The following NEK4 variants were observed in gnomAD, a reference collection of about 807,000 sequenced individuals.
The protein encoded by NEK4 is serine/threonine-protein kinase Nek4.
NEK4 carries 86 observed loss-of-function variants against 98.4 expected under a neutral mutation model. The ratio of observed to expected loss-of-function variants is 0.87; its 90% confidence interval spans 0.73 to 1.05. The LOEUF (loss-of-function observed/expected upper bound fraction) is 1.05, where lower values mean the gene tolerates loss of function less well. NEK4 is among the 50% of genes least tolerant of loss of function. NEK4 has a pLI of 0.00. For synonymous variants in NEK4, 328 were observed against 342.2 expected, an observed-to-expected ratio of 0.96 and a Z score of 0.46; for missense variants, 898 against 950.3, an observed-to-expected ratio of 0.94 and a Z score of 0.72.
intron 12 of NEK4, 59 bp from the exon 13 acceptor site, chr3:52,741,558 T>C (rs1226565261): frequency 1.9e-6 from 2 of 1,065,680 alleles, no homozygotes; most frequent in Non-Finnish European, 2.9e-6. Context: ...AATGTGATAC[T>C]TGAACCAGTC....
rs746763692 is a variant in NEK4, at chr3:52,763,616, T to C, written c.675A>G (p.Pro225=). The C allele has an allele frequency of 1.3e-6, 2 of 1,590,552 alleles. No homozygotes were observed. The highest frequency in any genetic ancestry group is 2.3e-5 in the South Asian group (2 of 86,880). ...GCTCTGGGCTGTAATCTCTTGGCAT[T>C]GGTGGCAGCTACAAATAAAAATAAT... The part of the protein sequence containing the change: ...VYRIIEGKLP[P]MPRDYSPELA... The change falls in exon 5 of 16, where the codon CCA becomes CCG. Residue 225 remains proline (P), a synonymous_variant. Transcript: ENST00000233027.
Position 52,740,563 on chromosome 3 carries a change from C to T in NEK4, c.2093+848G>A, listed in dbSNP as rs369766497. Among the ~76,000 whole-genome samples the T allele has an allele frequency of 1.1e-4, 17 of 152,110 alleles. No homozygotes were observed. In the East Asian group the frequency reaches 3.1e-3, roughly 28 times the overall value. ...CTGTAATACCAGCAGTCTGGGAGGCCGAGGTGGGCGGATCACCTGAGGTCA... is the reference window on the plus strand; with the variant it reads ...CTGTAATACCAGCAGTCTGGGAGGCTGAGGTGGGCGGATCACCTGAGGTCA... On this transcript the variant is annotated intron_variant, in intron 13 of 15. Coordinates refer to ENST00000233027, the MANE Select transcript of NEK4 (RefSeq NM_003157.6).
chr3:52,739,571 AT>A lies in NEK4; in HGVS notation c.2156del (p.Asp719ValfsTer11). The A allele has an allele frequency of 6.2e-7, 1 of 1,614,174 alleles. No homozygotes were observed. The highest frequency in any genetic ancestry group is 1.1e-5 in the South Asian group (1 of 91,076). On this transcript the variant is annotated frameshift_variant, in exon 14 of 16. Coordinates refer to ENST00000233027, the MANE Select transcript of NEK4 (RefSeq NM_003157.6). LOFTEE classifies it high-confidence loss of function. ...VQLMTQTLKLDSKESCEDVPV... is the reference protein window; with the variant it reads ...VQLMTQTLKLXSKESCEDVPV... ...GGACATCTTCACAGCTCTCTTTAGA[AT>A]CCAGTTTCAGGGTCTGAGTCATCAA...
At chr3:52,747,212 T>A (rs1358748342) in intron 8 of NEK4, 1 of 215,290 alleles carries the variant, frequency 4.6e-6, no homozygotes, top group Non-Finnish European at 9.3e-6. Flanking sequence ...ATCCCAGCAC[T>A]TTGGGAGGCT....
At chr3:52,737,451 A>ATGT in intron 15 of NEK4, 135 bp downstream of exon 15, 1 of 862,444 alleles carries the variant, frequency 1.2e-6, no homozygotes, top group Admixed American at 2.4e-5. Flanking sequence ...TGACTGTACA[A>ATGT]TGTTGTAAAC....
At chr3:52,755,090 A>T (rs1363191324) in intron 6 of NEK4, among the ~76,000 whole-genome samples, 2 of 151,536 alleles carry the variant, frequency 1.3e-5, no homozygotes, top group African/African-American at 4.8e-5. Context: ...AAAAAAAAGA[A>T]AAAAGAAAAA....
chr3:52,726,423 C>G (rs376119005), intron 15 of NEK4, among the ~76,000 whole-genome samples: 3 of 150,700 alleles, frequency 2.0e-5, no homozygotes, highest in Admixed American at 1.3e-4. Context: ...ACGGTGAAAC[C>G]CTGTCTCTTC....
intron 15 of NEK4, among the ~76,000 whole-genome samples, chr3:52,730,881 G>C (rs978380213): frequency 2.6e-5 from 4 of 152,106 alleles, no homozygotes; most frequent in Non-Finnish European, 5.9e-5. Flanking sequence ...GGGCTGGTGG[G>C]GGCAGGAAAT....
chr3:52,770,701 TC>T lies in NEK4; in HGVS notation c.45del (p.Ser16AlafsTer5), dbSNP rs1443448786. The T allele has an allele frequency of 6.3e-7, 1 of 1,576,898 alleles. No individual in the cohort carries two copies. The highest frequency in any genetic ancestry group is 2.3e-5 in the East Asian group (1 of 42,934). ...AYCYLRVVGK[G>X]SYGEVTLVKH... ...TTCACAAGCGTCACCTCTCCATAGC[TC>T]CCCTTGCCCACGACCCGCAGGTAGC... On this transcript the variant is annotated frameshift_variant, in exon 1 of 16. Coordinates refer to ENST00000233027, the MANE Select transcript of NEK4 (RefSeq NM_003157.6). LOFTEE classifies it high-confidence loss of function.
At chr3:52,731,421 C>A (rs2097369521) in intron 15 of NEK4, among the ~76,000 whole-genome samples, 1 of 152,122 alleles carries the variant, frequency 6.6e-6, no homozygotes, top group South Asian at 2.1e-4. Flanking sequence ...AAACCTTACT[C>A]CAAAGTAACA....
At chr3:52,713,016 T>C (rs2097351886) in intron 15 of NEK4, among the ~76,000 whole-genome samples, 2 of 152,146 alleles carry the variant, frequency 1.3e-5, no homozygotes, top group African/African-American at 4.8e-5. Context: ...TGGGCACAGA[T>C]CTGAGGGTGG....
At chr3:52,752,393 C>A in intron 6 of NEK4, 57 bp from the exon 7 acceptor site, 2 of 1,511,200 alleles carry the variant, frequency 1.3e-6, no homozygotes, top group South Asian at 2.5e-5. Context: ...TATACAAAAT[C>A]AACTCAAAAT....
intron 15 of NEK4, among the ~76,000 whole-genome samples, chr3:52,715,204 G>C (rs2097354074): frequency 6.6e-6 from 1 of 152,222 alleles, no homozygotes. Context: ...GGTACTTCCT[G>C]CCGTTTAAGT....
intron 4 of NEK4, among the ~76,000 whole-genome samples, chr3:52,764,699 A>T (rs894902861): frequency 6.6e-6 from 1 of 152,078 alleles, no homozygotes; most frequent in East Asian, 1.9e-4. Flanking sequence ...CAAAAAAACA[A>T]GTTATGTACC....
Position 52,711,895 on chromosome 3 carries a change from A to C in NEK4, c.2434-26T>G, listed in dbSNP as rs745771350. On this transcript the variant is annotated intron_variant, in intron 15 of 15. Coordinates refer to ENST00000233027, the MANE Select transcript of NEK4 (RefSeq NM_003157.6). The stretch of plus-strand genomic sequence containing the variant: ...CTATTTGAGAAACAAAAAGAAAATC[A>C]ATCAGTATGTAGTAGGAAAAAATAT... 5.9e-6 allele frequency: 8 copies of C among 1,365,196 alleles called. No homozygotes were observed. In the Admixed American group the frequency reaches 6.9e-5, roughly 12 times the overall value. The allele number at this position is 1,365,196 out of a possible 1,614,324, so 84.6% of individuals were successfully genotyped here. A position where few individuals can be genotyped will look rare whatever the true frequency, so the allele number is the denominator to read the frequency against.
intron 1 of NEK4, 63 bp downstream of exon 1, chr3:52,770,591 G>A: frequency 7.6e-7 from 1 of 1,312,388 alleles, no homozygotes; most frequent in Non-Finnish European, 1.1e-6. Flanking sequence ...CTAATCTACC[G>A]GTCGGCGCCC....
intron 15 of NEK4, chr3:52,734,986 A>G (rs1377663312): frequency 5.5e-6 from 1 of 180,414 alleles, no homozygotes; most frequent in Non-Finnish European, 1.2e-5. Context: ...CTTTCCTACC[A>G]ACTAAAATTC....
chr3:52,752,258 T>C lies in NEK4; in HGVS notation c.1042A>G (p.Thr348Ala), dbSNP rs2097406569. Residue 348 changes from threonine to alanine, a missense_variant, in exon 7 of 16, where the codon ACC becomes GCC. Thr to Ala is a moderately conservative substitution (Grantham distance 58, BLOSUM62 0). Coordinates refer to ENST00000233027, the MANE Select transcript of NEK4 (RefSeq NM_003157.6). The stretch of plus-strand genomic sequence containing the variant: ...GTATTGCTCAAGTCCTGTTTGCAGG[T>C]ATGGGCTTTCAGACTGGCAGGTGAC... ...LKSPASLKAH[T>A]CKQDLSNTTE... 6.8e-6 allele frequency: 11 copies of C among 1,614,174 alleles called. No individual in the cohort carries two copies. Among genetic ancestry groups the C allele is most frequent in the Non-Finnish European group, 9.3e-6 (11 of 1,180,026 alleles).
intron 11 of NEK4, 77 bp from the exon 12 acceptor site, chr3:52,743,538 A>C: frequency 9.1e-7 from 1 of 1,096,936 alleles, no homozygotes; most frequent in Non-Finnish European, 1.4e-6. Flanking sequence ...TTGGTATGGA[A>C]CATACCCCAG....
Sources: allele counts gnomAD v4.1 joint callset (sites outside exome capture counted in the v4.1 genomes callset), GRCh38; gene constraint gnomAD v4.1.1; transcripts MANE v1.5; gene names NCBI Gene and HGNC (gene_info 2026-07-23, HGNC 2026-07-21).